Variants in DAB1 observed in about 807,000 individuals in gnomAD.
DAB1 encodes the protein DAB adaptor protein 1.
A neutral mutation model predicts 64.6 loss-of-function variants in DAB1; 15 were observed. The observed-to-expected ratio is 0.23, with a 90% confidence interval of 0.16 to 0.36. The LOEUF (loss-of-function observed/expected upper bound fraction) is 0.36, where lower values mean the gene tolerates loss of function less well. Among genes scored for constraint, DAB1 ranks in the 10% least tolerant of loss-of-function variants. DAB1 has a pLI of 1.00. For missense variants in DAB1, 596 were observed against 706.7 expected (o/e 0.84, Z 1.78); for synonymous variants, 235 against 251.9 (o/e 0.93, Z 0.64).
intron 3 of DAB1, among the ~76,000 whole-genome samples, chr1:58,437,935 G>A (rs1293791943): frequency 6.6e-6 from 1 of 152,136 alleles, no homozygotes; most frequent in Admixed American, 6.5e-5. Context: ...CTCATGCAGG[G>A]GGATCACACC....
chr1:58,438,214 T>C (rs1644966518), intron 3 of DAB1, among the ~76,000 whole-genome samples: 1 of 152,220 alleles, frequency 6.6e-6, no homozygotes, highest in Admixed American at 6.5e-5. Context: ...CATTTGCATA[T>C]GACAGAATTC....
intron 7 of DAB1, among the ~76,000 whole-genome samples, chr1:57,459,179 T>C (rs1289066772): frequency 6.6e-6 from 1 of 152,200 alleles, no homozygotes; most frequent in Admixed American, 6.6e-5. Flanking sequence ...ATAATTTATC[T>C]ATAATTTTAA....
chr1:58,466,517 C>T (rs17117547), intron 3 of DAB1, among the ~76,000 whole-genome samples: 15,186 of 152,154 alleles, frequency 0.1, 850 homozygotes, highest in Middle Eastern at 0.18. Flanking sequence ...AAGCCAAGGA[C>T]TTGGAGCCTG....
At chr1:57,876,866 C>T (rs916588013) in intron 1 of DAB1, 1 of 151,924 alleles carries the variant, frequency 6.6e-6, no homozygotes, top group Non-Finnish European at 1.5e-5. Context: ...GGAGGAGATG[C>T]CTCTGGGCTA....
At chr1:58,125,815 C>T (rs145716735) in intron 5 of DAB1, among the ~76,000 whole-genome samples, 11 of 152,214 alleles carry the variant, frequency 7.2e-5, no homozygotes, top group Admixed American at 7.2e-4. Context: ...GTACAATCAG[C>T]TCATTTTATG....
chr1:57,877,534 C>A (rs1037388449), intron 1 of DAB1, among the ~76,000 whole-genome samples: 1 of 150,878 alleles, frequency 6.6e-6, no homozygotes, highest in Non-Finnish European at 1.5e-5. Context: ...TTTAAAAATC[C>A]TAATTGATTT....
intron 5 of DAB1, among the ~76,000 whole-genome samples, chr1:57,941,211 CA>C (rs1645099316): frequency 6.6e-6 from 1 of 152,186 alleles, no homozygotes; most frequent in African/African-American, 2.4e-5. Flanking sequence ...TTGGGTCTCA[CA>C]GCAATAACAC....
chr1:58,099,785 A>G (rs1651201541), intron 5 of DAB1, among the ~76,000 whole-genome samples: 1 of 152,204 alleles, frequency 6.6e-6, no homozygotes, highest in Admixed American at 6.5e-5. Flanking sequence ...GCACAGGAAA[A>G]AAGTTTATTG....
chr1:57,244,841 A>T (rs1668744239), intron 2 of DAB1, among the ~76,000 whole-genome samples: 1 of 152,258 alleles, frequency 6.6e-6, no homozygotes, highest in Non-Finnish European at 1.5e-5. Context: ...AACATATAGT[A>T]GTCAATAAAC....
Position 57,916,573 on chromosome 1 carries a change from T to A in DAB1, n.388-32411A>T, listed in dbSNP as rs1473697999. ...AGCTTTATAAAAATTAGTTGAGTTC[T>A]CAAAATAACCCTATGAGAAAACAAT... On this transcript the variant is annotated intron_variant and non_coding_transcript_variant, in intron 5 of 20. Transcript: ENST00000485760. Among the ~76,000 whole-genome samples the A allele has an allele frequency of 2.0e-5, 3 of 152,362 alleles. No individual in the cohort carries two copies. The East Asian group carries it at 5.8e-4, about 29-fold the overall frequency.
At chr1:57,796,539 G>GATAATAATA (rs112123311) in intron 6 of DAB1, among the ~76,000 whole-genome samples, 204 of 146,868 alleles carry the variant, frequency 1.4e-3, no homozygotes, top group African/African-American at 5.1e-3. Context: ...TAATAACAAT[G>GATAATAATA]ATAATAATAA....
At chr1:57,661,673 C>A (rs2101670340) in intron 6 of DAB1, among the ~76,000 whole-genome samples, 1 of 152,202 alleles carries the variant, frequency 6.6e-6, no homozygotes, top group South Asian at 2.1e-4. Context: ...TACATATAAC[C>A]TACACACATC....
At chr1:57,312,326 AG>A (rs1674786675) in intron 1 of DAB1, among the ~76,000 whole-genome samples, 1 of 151,864 alleles carries the variant, frequency 6.6e-6, no homozygotes, top group Non-Finnish European at 1.5e-5. Context: ...ACAATAATTT[AG>A]AAACCTCTTC....
At chr1:58,519,486 C>T (rs1646226629) in intron 2 of DAB1, among the ~76,000 whole-genome samples, 1 of 152,066 alleles carries the variant, frequency 6.6e-6, no homozygotes, top group Non-Finnish European at 1.5e-5. Context: ...GCTCATCATC[C>T]CAGCCTATGC....
At chr1:58,319,965 A>G (rs985262115) in intron 4 of DAB1, among the ~76,000 whole-genome samples, 1 of 152,230 alleles carries the variant, frequency 6.6e-6, no homozygotes, top group African/African-American at 2.4e-5. Context: ...AGCGGGTCAC[A>G]GAAGACAGGT....
At chr1:57,475,365 C>A (rs543142330) in intron 7 of DAB1, among the ~76,000 whole-genome samples, 1 of 152,300 alleles carries the variant, frequency 6.6e-6, no homozygotes, top group South Asian at 2.1e-4. Flanking sequence ...AGTGGAAGAG[C>A]CTACCTCTCT....
At chr1:57,841,593 C>G (rs1569827092) in intron 1 of DAB1, among the ~76,000 whole-genome samples, 1 of 152,232 alleles carries the variant, frequency 6.6e-6, no homozygotes, top group Non-Finnish European at 1.5e-5. Context: ...ACATGGAAGC[C>G]ACCAAGGCTT....
rs114732812 is a variant in DAB1, at chr1:57,131,459, A to G, written c.306+5084T>C. On this transcript the variant is annotated intron_variant, in intron 4 of 14. Coordinates refer to ENST00000371236, the MANE Select transcript of DAB1 (RefSeq NM_001365792.1). ...CCTGTGCACTGTCTCACTGACCTGG[A>G]TGACAGCAACATCCCAGATACTTCT... Among the ~76,000 whole-genome samples the G allele has an allele frequency of 2.8e-4, 43 of 152,286 alleles. 1 individual carries two copies. The Middle Eastern group carries it at 0.017, about 60-fold the overall frequency.
At chr1:57,147,973 T>C (rs17115212) in intron 2 of DAB1, among the ~76,000 whole-genome samples, 6,319 of 152,248 alleles carry the variant, frequency 0.042, 431 homozygotes, top group African/African-American at 0.14. Flanking sequence ...CCTGTTCGCC[T>C]AACCACCATG....
Sources: gnomAD v4.1 joint callset for allele counts (sites outside exome capture counted in the v4.1 genomes callset) on GRCh38, gnomAD v4.1.1 for gene constraint, MANE v1.5 for transcripts, NCBI Gene and HGNC (gene_info 2026-07-23, HGNC 2026-07-21) for gene names.